VPS13D: variants seen among roughly 807,000 people sequenced by gnomAD.
VPS13D encodes intermembrane lipid transfer protein VPS13D.
VPS13D carries 187 observed loss-of-function variants against 461.9 expected under a neutral mutation model. The ratio of observed to expected loss-of-function variants is 0.40; its 90% CI spans 0.36 to 0.46. The LOEUF (loss-of-function observed/expected upper bound fraction) is 0.46. Ranked by LOEUF, VPS13D falls within the 20% of genes least tolerant of loss-of-function variation. VPS13D has a pLI of 0.60. For synonymous variants in VPS13D, 1,951 were observed against 1,986.3 expected, an observed-to-expected ratio of 0.98 and a Z score of 0.47; for missense variants, 4,711 against 5,364.9, an observed-to-expected ratio of 0.88 and a Z score of 3.81.
rs937587276 is a variant in VPS13D at position 12,293,531 on chromosome 1, C to A, written c.5860C>A (p.Arg1954=). 1 of 1,599,176 alleles carries A rather than the reference C, an allele frequency of 6.3e-7. No homozygotes were observed. The highest frequency in any genetic ancestry group is 8.5e-7 in the Non-Finnish European group (1 of 1,171,634). The stretch of plus-strand genomic sequence containing the variant: ...TTTTATCCTAATTTTTAGATACGGA[C>A]GGCCTGACCCTCTGCTCCGGAGAGA... ...ALIFQTFKYG[R]PDPLLRREHD... Residue 1954 remains arginine, a synonymous_variant, in exon 24 of 70, where the codon CGG becomes AGG. Coordinates refer to ENST00000620676, the MANE Select transcript of VPS13D (RefSeq NM_015378.4).
rs1020389534 is a variant in VPS13D at position 12,379,697 on chromosome 1, A to G, written c.11190+101A>G. On this transcript the variant is annotated intron_variant, in intron 57 of 69. Transcript: ENST00000620676. ...ACATGATGAATTGTTCAGTGGGAAA[A>G]CTAGTTACAGAGCAATACTTATTCT... 5 of 769,760 alleles carry G rather than the reference A, an allele frequency of 6.5e-6. No homozygotes were observed. The African/African-American group carries it at 7.1e-5, about 11-fold the overall frequency. 47.7% of individuals were successfully genotyped at this position (769,760 alleles called of 1,614,324 possible).
chr1:12,379,202 T>C (rs1043951175), intron 56 of VPS13D, among the ~76,000 whole-genome samples: 2 of 152,232 alleles, frequency 1.3e-5, no homozygotes, highest in African/African-American at 4.8e-5. Context: ...CCATACTGCA[T>C]GGTAAGTTGC....
rs752134330 is a variant in VPS13D at position 12,244,395 on chromosome 1, C to T, written c.325C>T (p.Arg109Cys). 12 of 1,613,926 alleles carry T rather than the reference C, an allele frequency of 7.4e-6. No individual in the cohort carries two copies. Among genetic ancestry groups the T allele is most frequent in the African/African-American group, 4.0e-5 (3 of 74,866 alleles). The change falls in exon 4 of 70, where the codon CGT becomes TGT. Residue 109 changes from arginine (R) to cysteine (C), a missense_variant. Physicochemically the swap from Arg to Cys is radical, Grantham distance 180. Coordinates refer to ENST00000620676, the MANE Select transcript of VPS13D (RefSeq NM_015378.4). ...AAAGGAGAAGCTGTTGGAAAGGGAACGTAAGAAAGCACTACTTCAAGCCCT... is the reference window on the plus strand; with the variant it reads ...AAAGGAGAAGCTGTTGGAAAGGGAATGTAAGAAAGCACTACTTCAAGCCCT... The part of the protein sequence containing the change: ...DEKEKLLERE[R>C]KKALLQALEE...
chr1:12,399,100 G>C (rs1039487042), intron 60 of VPS13D, among the ~76,000 whole-genome samples: 2 of 152,186 alleles, frequency 1.3e-5, no homozygotes, highest in African/African-American at 4.8e-5. Context: ...CTAGCATGGA[G>C]CTTCGCACAT....
At chr1:12,368,391 C>G in intron 52 of VPS13D, 77 bp from the exon 53 acceptor site, 1 of 1,502,178 alleles carries the variant, frequency 6.7e-7, no homozygotes, top group Non-Finnish European at 8.9e-7. Context: ...TTGTGATTGT[C>G]AGAAATATGA....
At chr1:12,395,551 C>G (rs1644484067) in intron 60 of VPS13D, among the ~76,000 whole-genome samples, 1 of 152,138 alleles carries the variant, frequency 6.6e-6, no homozygotes, top group East Asian at 1.9e-4. Context: ...GCAATCTTAG[C>G]AGATTTGAGG....
intron 55 of VPS13D, 151 bp downstream of exon 55, chr1:12,374,009 G>T: frequency 2.0e-6 from 1 of 492,216 alleles, no homozygotes; most frequent in South Asian, 2.5e-5. Flanking sequence ...TCAGTGTTAG[G>T]GCGGATGAGT....
At chr1:12,296,180 C>T (rs114365051) in intron 24 of VPS13D, among the ~76,000 whole-genome samples, 1 of 152,100 alleles carries the variant, frequency 6.6e-6, no homozygotes, top group African/African-American at 2.4e-5. Flanking sequence ...TCTGAGATAC[C>T]TGGCAGTGGA....
At chr1:12,395,619 A>G (rs1644484952) in intron 60 of VPS13D, among the ~76,000 whole-genome samples, 1 of 152,022 alleles carries the variant, frequency 6.6e-6, no homozygotes, top group Middle Eastern at 3.2e-3. Context: ...ATTTTCTTTC[A>G]TTACTTTGTC....
intron 51 of VPS13D, 99 bp downstream of exon 51, chr1:12,362,949 T>C: frequency 1.9e-6 from 3 of 1,585,718 alleles, no homozygotes; most frequent in Non-Finnish European, 8.6e-7. Flanking sequence ...TGCAAGTAAC[T>C]GCTCTGTGCC....
At chr1:12,398,158 A>C (rs1021380207) in intron 60 of VPS13D, among the ~76,000 whole-genome samples, 3 of 152,202 alleles carry the variant, frequency 2.0e-5, no homozygotes, top group African/African-American at 7.2e-5. Flanking sequence ...AGTAGGAAAA[A>C]ATACTCCAAG....
At chr1:12,389,645 G>C (rs1027825419) in intron 60 of VPS13D, among the ~76,000 whole-genome samples, 1 of 152,224 alleles carries the variant, frequency 6.6e-6, no homozygotes, top group African/African-American at 2.4e-5. Flanking sequence ...TGTTTCTGCA[G>C]CTGGTCATGT....
intron 60 of VPS13D, among the ~76,000 whole-genome samples, chr1:12,398,189 C>G (rs939588901): frequency 6.6e-6 from 1 of 152,070 alleles, no homozygotes; most frequent in Non-Finnish European, 1.5e-5. Context: ...TTATCCCTGC[C>G]CTGAGAACAA....
At chr1:12,367,255 G>A (rs1382433632) in intron 52 of VPS13D, among the ~76,000 whole-genome samples, 3 of 152,110 alleles carry the variant, frequency 2.0e-5, no homozygotes, top group Admixed American at 6.5e-5. Flanking sequence ...GTAGATTTGG[G>A]TCAAATATTT....
chr1:12,312,046 A>G, intron 29 of VPS13D, 121 bp downstream of exon 29: 2 of 796,202 alleles, frequency 2.5e-6, no homozygotes, highest in Admixed American at 2.6e-5. Context: ...TTGTCTGCAG[A>G]GTGTCTTTTG....
chr1:12,231,696 G>C lies in VPS13D; in HGVS notation c.-77+1576G>C, dbSNP rs118187490. ...GTTTTCACAAATTTACTCCTTTCAA[G>C]TTATAATAGTGGCCGGGCACGGTGG... On this transcript the variant is annotated intron_variant, in intron 1 of 69. Transcript: ENST00000620676. Among the ~76,000 whole-genome samples the C allele has an allele frequency of 2.2e-4, 33 of 152,272 alleles. 1 individual carries two copies. The East Asian group carries it at 6.4e-3, about 29-fold the overall frequency.
In VPS13D at chr1:12,311,590, A is replaced by C. The variant is rs755560930; in HGVS notation, c.6787A>C (p.Met2263Leu). The change falls in exon 28 of 70, where the codon ATG becomes CTG. Residue 2263 changes from methionine to leucine, a missense_variant. Met to Leu is a conservative substitution (Grantham distance 15). This residue lies in a region of VPS13D where 4,411 missense variants were observed against 4,937.8 expected (regional missense o/e 0.89). Transcript: ENST00000620676. ...NNLGEPIEEF[M>L]RPYDLQDPRI... ...CCTGGGAGAACCCATAGAGGAATTTATGCGGCCTTATGATTTACAAGATCC... is the reference window on the plus strand; with the variant it reads ...CCTGGGAGAACCCATAGAGGAATTTCTGCGGCCTTATGATTTACAAGATCC... 4 of 1,614,218 alleles carry C rather than the reference A, an allele frequency of 2.5e-6. No individual in the cohort carries two copies. The Admixed American group carries it at 6.7e-5, about 27-fold the overall frequency.
At chr1:12,498,749 G>A (rs1233890250) in intron 68 of VPS13D, among the ~76,000 whole-genome samples, 1 of 152,146 alleles carries the variant, frequency 6.6e-6, no homozygotes, top group East Asian at 1.9e-4. Flanking sequence ...TGCTGCTGGG[G>A]GTTCTCTTCC....
chr1:12,399,126 A>G (rs1242719904), intron 60 of VPS13D, among the ~76,000 whole-genome samples: 3 of 151,702 alleles, frequency 2.0e-5, no homozygotes, highest in Non-Finnish European at 4.4e-5. Flanking sequence ...CACCTGTTTT[A>G]TTTTTTTAAT....
Sources: gnomAD v4.1 joint callset for allele counts (sites outside exome capture counted in the v4.1 genomes callset) on GRCh38, gnomAD v4.1.1 for gene constraint, gnomAD v4.1.1 regional missense constraint, MANE v1.5 for transcripts, NCBI Gene and HGNC (gene_info 2026-07-23, HGNC 2026-07-21) for gene names.